Variants in PSD3 observed in about 807,000 individuals in gnomAD.
PSD3 encodes the protein pleckstrin and Sec7 domain containing 3, also known as PH and SEC7 domain-containing protein 3.
PSD3 carries 49 observed loss-of-function variants against 105.5 expected under a neutral mutation model. That is an observed-to-expected ratio of 0.46 (90% CI 0.37 to 0.59). The LOEUF (loss-of-function observed/expected upper bound fraction) is 0.59, where lower values mean the gene tolerates loss of function less well. Ranked by LOEUF, PSD3 falls within the 20% of genes least tolerant of loss-of-function variation. The probability of loss-of-function intolerance (pLI) is 0.00; values close to 1 mark genes in which losing one functional copy is unlikely to be tolerated. For synonymous variants in PSD3, 557 were observed against 457.8 expected, an observed-to-expected ratio of 1.22 and a Z score of -2.77; for missense variants, 1,561 against 1,263.8, an observed-to-expected ratio of 1.24 and a Z score of -3.57.
At position 18,993,983 on chromosome 8, in the gene PSD3, C is replaced by A. The variant is rs6996661; in HGVS notation, c.21+19580G>T. ...CAAATGTATGTATCACTGACATGTG[C>A]TGAGAAGGCAGTCTGGCACAGAGTT... On this transcript the variant is annotated intron_variant, in intron 1 of 15. Coordinates refer to ENST00000327040, the MANE Select transcript of PSD3 (RefSeq NM_015310.4). Among the ~76,000 whole-genome samples, 725 of 152,098 alleles carry A rather than the reference C, an allele frequency of 4.8e-3. 7 individuals carry two copies. The highest frequency in any genetic ancestry group is 0.017 in the African/African-American group (703 of 41,534).
chr8:18,908,455 T>A (rs768333829), intron 2 of PSD3, among the ~76,000 whole-genome samples: 11 of 152,170 alleles, frequency 7.2e-5, no homozygotes, highest in Admixed American at 5.2e-4. Flanking sequence ...ATTCAAATAA[T>A]ACTTACCTTT....
chr8:18,883,538 T>G (rs1818257870), intron 2 of PSD3, among the ~76,000 whole-genome samples: 1 of 152,162 alleles, frequency 6.6e-6, no homozygotes, highest in Non-Finnish European at 1.5e-5. Flanking sequence ...CTAAAATAAC[T>G]GCAAATGTAA....
intron 12 of PSD3, among the ~76,000 whole-genome samples, chr8:18,588,041 T>G (rs905855074): frequency 6.6e-6 from 1 of 152,158 alleles, no homozygotes; most frequent in Non-Finnish European, 1.5e-5. Flanking sequence ...TGCTACAACC[T>G]GGCCAAGGGG....
Position 18,965,302 on chromosome 8 carries a change from A to C in PSD3, c.22-29160T>G, listed in dbSNP as rs182990431. On this transcript the variant is annotated intron_variant, in intron 1 of 15. Transcript: ENST00000327040. ...GTTATATGTCAGGTTTTGGCTACCT[A>C]AAGATGTATGAGCACATCATGCCAA... 3.5e-4 allele frequency among the ~76,000 whole-genome samples: 53 copies of C among 152,250 alleles called. 1 individual carries two copies. The highest frequency in any genetic ancestry group is 6.8e-3 in the Middle Eastern group (2 of 294).
At chr8:18,838,658 G>T (rs777921606) in intron 4 of PSD3, among the ~76,000 whole-genome samples, 80 of 151,598 alleles carry the variant, frequency 5.3e-4, no homozygotes, top group Non-Finnish European at 7.4e-4. Flanking sequence ...AAAATTAGCC[G>T]GGCGTGGTGG....
intron 1 of PSD3, among the ~76,000 whole-genome samples, chr8:19,044,552 T>A (rs1248237807): frequency 6.6e-6 from 1 of 152,246 alleles, no homozygotes. Context: ...ACTACAGATA[T>A]TAAATGAATG....
At chr8:18,836,927 T>TA (rs1326591569) in intron 4 of PSD3, among the ~76,000 whole-genome samples, 5 of 150,674 alleles carry the variant, frequency 3.3e-5, no homozygotes, top group East Asian at 1.9e-4. Flanking sequence ...ACTTTGCTTC[T>TA]AAAAAAAATT....
In PSD3 at chr8:18,783,162, CT is replaced by C. The variant is rs1431170891; in HGVS notation, c.2082+16132del. Among the ~76,000 whole-genome samples the C allele has an allele frequency of 2.0e-5, 3 of 152,294 alleles. No individual in the cohort carries two copies. The East Asian group carries it at 5.8e-4, about 29-fold the overall frequency. On this transcript the variant is annotated intron_variant, in intron 8 of 15. Coordinates refer to ENST00000327040, the MANE Select transcript of PSD3 (RefSeq NM_015310.4). ...TAGGAAGTTTTCTGATTACTAAACT[CT>C]TCACTTGCTAAGGATCTATTCAGGT...
At chr8:18,821,715 A>C (rs10216823) in intron 4 of PSD3, among the ~76,000 whole-genome samples, 1 of 140,786 alleles carries the variant, frequency 7.1e-6, no homozygotes, top group Non-Finnish European at 1.5e-5. Flanking sequence ...ACACACACAC[A>C]CACCCCAATA....
intron 4 of PSD3, among the ~76,000 whole-genome samples, chr8:18,850,371 A>G (rs1273554340): frequency 1.3e-5 from 2 of 152,220 alleles, no homozygotes; most frequent in Non-Finnish European, 2.9e-5. Flanking sequence ...ATAACAATGG[A>G]TCTGAGACCC....
intron 9 of PSD3, among the ~76,000 whole-genome samples, chr8:18,684,501 A>T (rs1273957486): frequency 6.6e-6 from 1 of 152,238 alleles, no homozygotes; most frequent in East Asian, 1.9e-4. Context: ...AATTAATTAC[A>T]GGCTAGTGAA....
chr8:18,705,468 T>C (rs545058363), intron 9 of PSD3, among the ~76,000 whole-genome samples: 32 of 141,854 alleles, frequency 2.3e-4, no homozygotes, highest in Non-Finnish European at 4.3e-4. Context: ...GAGGCAGAGG[T>C]TACAGTGAGC....
intron 1 of PSD3, among the ~76,000 whole-genome samples, chr8:18,951,630 C>G (rs1823240525): frequency 6.6e-6 from 1 of 152,116 alleles, no homozygotes. Flanking sequence ...CAAATTTGTG[C>G]AATTAGTGAA....
At chr8:18,931,223 G>A (rs1821728844) in intron 2 of PSD3, among the ~76,000 whole-genome samples, 1 of 151,608 alleles carries the variant, frequency 6.6e-6, no homozygotes, top group Non-Finnish European at 1.5e-5. Flanking sequence ...AACACACAAT[G>A]TCAATAGTCA....
chr8:18,550,987 T>G (rs1800734859), intron 15 of PSD3, among the ~76,000 whole-genome samples: 1 of 152,162 alleles, frequency 6.6e-6, no homozygotes, highest in Non-Finnish European at 1.5e-5. Flanking sequence ...ATTTCTCCCT[T>G]GCTTTCGCTA....
intron 1 of PSD3, among the ~76,000 whole-genome samples, chr8:19,036,108 G>A (rs1259786966): frequency 2.0e-5 from 3 of 152,138 alleles, no homozygotes; most frequent in Non-Finnish European, 4.4e-5. Flanking sequence ...CCACTGCTGA[G>A]CCTTTTAGTT....
chr8:18,894,226 T>C (rs1457761058), intron 2 of PSD3, among the ~76,000 whole-genome samples: 1 of 152,254 alleles, frequency 6.6e-6, no homozygotes, highest in African/African-American at 2.4e-5. Context: ...CCCAGGCTTT[T>C]GTACAATTAA....
intron 2 of PSD3, among the ~76,000 whole-genome samples, chr8:18,910,940 T>A (rs757544874): frequency 0.048 from 6,525 of 135,900 alleles, 184 homozygotes; most frequent in Middle Eastern, 0.084. Flanking sequence ...TTCAAAAAAA[T>A]AAAAAAAAAA....
chr8:18,985,815 T>C (rs1378726605), intron 1 of PSD3, among the ~76,000 whole-genome samples: 2 of 152,172 alleles, frequency 1.3e-5, no homozygotes, highest in Non-Finnish European at 2.9e-5. Flanking sequence ...TTCATTTTCC[T>C]AGAAGCCAAA....
Sources: allele counts gnomAD v4.1 joint callset (sites outside exome capture counted in the v4.1 genomes callset), GRCh38; gene constraint gnomAD v4.1.1; transcripts MANE v1.5; gene names NCBI Gene and HGNC (gene_info 2026-07-23, HGNC 2026-07-21).